Variants in KIRREL3 observed in about 807,000 individuals in gnomAD.
The protein encoded by KIRREL3 is kirre like nephrin family adhesion molecule 3.
Under a neutral mutation model 89.7 loss-of-function variants are expected in KIRREL3, and 36 were observed. The ratio of observed to expected loss-of-function variants is 0.40; its 90% CI spans 0.31 to 0.53. The LOEUF is 0.53. Among genes scored for constraint, KIRREL3 ranks in the 20% least tolerant of loss-of-function variants. The probability of loss-of-function intolerance (pLI) is 0.49; values close to 1 mark genes in which losing one functional copy is unlikely to be tolerated. For missense variants in KIRREL3, 864 were observed against 1,056.6 expected (o/e 0.82, Z 2.53); for synonymous variants, 445 against 441.4 (o/e 1.01, Z -0.10).
intron 4 of KIRREL3, among the ~76,000 whole-genome samples, chr11:126,500,435 A>G (rs1957818982): frequency 6.6e-6 from 1 of 152,152 alleles, no homozygotes; most frequent in Non-Finnish European, 1.5e-5. Flanking sequence ...GACTCACATT[A>G]ATTTAGTTGA....
At position 126,611,974 on chromosome 11, in the gene KIRREL3, C is replaced by A. The variant is rs1029207962; in HGVS notation, c.56-49062G>T. Among the ~76,000 whole-genome samples the A allele has an allele frequency of 7.9e-5, 12 of 152,182 alleles. No individual in the cohort carries two copies. The highest frequency in any genetic ancestry group is 2.9e-4 in the African/African-American group (12 of 41,440). On this transcript the variant is annotated intron_variant, in intron 1 of 16. Coordinates refer to ENST00000525144, the MANE Select transcript of KIRREL3 (RefSeq NM_032531.4). This position sits in a 1 kb window ranked among gnomAD's most constrained non-coding sequence, Gnocchi z 4.7. ...CATGTGTGCTTGTTGCCCCTTGGAG[C>A]CCACCTCCTCAAGCAAGCCTCCCAG...
chr11:126,738,226 A>G (rs1461158454), intron 1 of KIRREL3, among the ~76,000 whole-genome samples: 1 of 152,216 alleles, frequency 6.6e-6, no homozygotes. Context: ...AATGAAATTA[A>G]TTAATTAATT....
rs943309514 is a variant in KIRREL3 at position 126,620,725 on chromosome 11, C to T, written c.56-57813G>A. Among the ~76,000 whole-genome samples, 1 of 152,190 alleles carries T rather than the reference C, an allele frequency of 6.6e-6. No homozygotes were observed. The highest frequency in any genetic ancestry group is 6.5e-5 in the Admixed American group (1 of 15,274). ...TGCCTTCTTCAATGCTTTTATAGGT[C>T]TCTTGATCTCTTCTTCCTGCCTCAT... On this transcript the variant is annotated intron_variant, in intron 1 of 16. Coordinates refer to ENST00000525144, the MANE Select transcript of KIRREL3 (RefSeq NM_032531.4). The surrounding 1 kb of genome is among the most constrained non-coding windows in gnomAD (Gnocchi z 4.8).
At position 126,917,825 on chromosome 11, in the gene KIRREL3, C is replaced by A. The variant is rs908161746; in HGVS notation, c.55+82630G>T. Among the ~76,000 whole-genome samples, 1 of 152,178 alleles carries A rather than the reference C, an allele frequency of 6.6e-6. No homozygotes were observed. Among genetic ancestry groups the A allele is most frequent in the African/African-American group, 2.4e-5 (1 of 41,446 alleles). On this transcript the variant is annotated intron_variant, in intron 1 of 16. Coordinates refer to ENST00000525144, the MANE Select transcript of KIRREL3 (RefSeq NM_032531.4). This position sits in a 1 kb window ranked among gnomAD's most constrained non-coding sequence, Gnocchi z 5.0. ...GGCATGGACTTTAGAATTGAGGTGG[C>A]GTTTCTGAAGAACGAGATGGTAAAA...
chr11:126,435,264 G>C lies in KIRREL3; in HGVS notation c.1588+4C>G. 2 of 1,613,504 alleles carry C rather than the reference G, an allele frequency of 1.2e-6. No homozygotes were observed. The highest frequency in any genetic ancestry group is 1.1e-5 in the South Asian group (1 of 91,072). On this transcript the variant is annotated splice_donor_region_variant and intron_variant, in intron 13 of 16. Coordinates refer to ENST00000525144, the MANE Select transcript of KIRREL3 (RefSeq NM_032531.4). ...AGGGCCATTCTCATCATCTCCTTCC[G>C]TACCTGCTTCCAGCCCGGCTCCCGA...
chr11:126,684,885 C>T lies in KIRREL3; in HGVS notation c.56-121973G>A, dbSNP rs1479935758. Reference sequence around the variant, plus strand: ...CTGGGAAGAGGGAGAAGTTGATGGTCTGGTCACTAATGGTCCTCAGCAGGA... The same window carrying T: ...CTGGGAAGAGGGAGAAGTTGATGGTTTGGTCACTAATGGTCCTCAGCAGGA... On this transcript the variant is annotated intron_variant, in intron 1 of 16. Coordinates refer to ENST00000525144, the MANE Select transcript of KIRREL3 (RefSeq NM_032531.4). The surrounding 1 kb of genome is among the most constrained non-coding windows in gnomAD (Gnocchi z 4.2). 6.6e-6 allele frequency among the ~76,000 whole-genome samples: 1 copy of T among 152,130 alleles called. No individual in the cohort carries two copies. Among genetic ancestry groups the T allele is most frequent in the Non-Finnish European group, 1.5e-5 (1 of 68,016 alleles).
chr11:126,521,113 G>T lies in KIRREL3; in HGVS notation c.433+202C>A, dbSNP rs1212919790. Among the ~76,000 whole-genome samples the T allele has an allele frequency of 6.6e-6, 1 of 152,226 alleles. No individual in the cohort carries two copies. The highest frequency in any genetic ancestry group is 1.5e-5 in the Non-Finnish European group (1 of 68,036). On this transcript the variant is annotated intron_variant, in intron 4 of 16. Transcript: ENST00000525144. This position sits in a 1 kb window ranked among gnomAD's most constrained non-coding sequence, Gnocchi z 4.1. Reference sequence around the variant, plus strand: ...CTGAGTCCGCTGGCATTGGCTGTCTGGTTTACTAGGGAAAGAGCCTTCGCT... The same window carrying T: ...CTGAGTCCGCTGGCATTGGCTGTCTTGTTTACTAGGGAAAGAGCCTTCGCT...
At chr11:126,887,496 G>A (rs935840270) in intron 1 of KIRREL3, among the ~76,000 whole-genome samples, 32 of 152,236 alleles carry the variant, frequency 2.1e-4, no homozygotes, top group African/African-American at 7.0e-4. Flanking sequence ...AAGGGTCACT[G>A]CTCTCTCCTC....
rs1454669292 is a variant in KIRREL3 at position 126,709,491 on chromosome 11, C to A, written c.56-146579G>T. On this transcript the variant is annotated intron_variant, in intron 1 of 16. Transcript: ENST00000525144. This position sits in a 1 kb window ranked among gnomAD's most constrained non-coding sequence, Gnocchi z 4.0. The stretch of plus-strand genomic sequence containing the variant: ...GGAGTAGGTTGAACTGTGTCCCCAA[C>A]ATTCATATGCCCCAATACTTCAGAA... 6.6e-6 allele frequency among the ~76,000 whole-genome samples: 1 copy of A among 152,194 alleles called. No homozygotes were observed. Among genetic ancestry groups the A allele is most frequent in the Non-Finnish European group, 1.5e-5 (1 of 68,036 alleles).
chr11:126,616,481 G>T (rs542338069), intron 1 of KIRREL3, among the ~76,000 whole-genome samples: 1 of 152,160 alleles, frequency 6.6e-6, no homozygotes, highest in African/African-American at 2.4e-5. Context: ...CTCTGGAGGG[G>T]TTAGGTGGTG....
intron 4 of KIRREL3, among the ~76,000 whole-genome samples, chr11:126,504,248 T>C (rs1267531913): frequency 1.1e-4 from 16 of 152,190 alleles, no homozygotes; most frequent in Non-Finnish European, 2.9e-5. Context: ...TCATCTCTTC[T>C]CTGTATTACT....
In KIRREL3 at chr11:126,523,820, T is replaced by G. The variant is rs970963111; in HGVS notation, c.284-2356A>C. On this transcript the variant is annotated intron_variant, in intron 3 of 16. Coordinates refer to ENST00000525144, the MANE Select transcript of KIRREL3 (RefSeq NM_032531.4). This position sits in a 1 kb window ranked among gnomAD's most constrained non-coding sequence, Gnocchi z 4.9. ...AGTCCCTGGTCTCCTGCAGGCATCT[T>G]GGCTGGAGCTTCTGTTTCTGTTGTC... Among the ~76,000 whole-genome samples the G allele has an allele frequency of 6.6e-6, 1 of 152,168 alleles. No individual in the cohort carries two copies. The highest frequency in any genetic ancestry group is 2.4e-5 in the African/African-American group (1 of 41,442).
intron 1 of KIRREL3, among the ~76,000 whole-genome samples, chr11:126,633,382 C>A (rs1944129453): frequency 6.6e-6 from 1 of 152,032 alleles, no homozygotes; most frequent in South Asian, 2.1e-4. Context: ...AAAATTGATT[C>A]CTAGTGTTAG....
chr11:126,666,602 C>G lies in KIRREL3; in HGVS notation c.56-103690G>C, dbSNP rs1945675522. ...TTACATGGCACAAGGAAAACAATAT[C>G]AATGATTTGTGCTGCCTGCTTGTCG... On this transcript the variant is annotated intron_variant, in intron 1 of 16. Coordinates refer to ENST00000525144, the MANE Select transcript of KIRREL3 (RefSeq NM_032531.4). The surrounding 1 kb of genome is among the most constrained non-coding windows in gnomAD (Gnocchi z 4.2). Among the ~76,000 whole-genome samples, 1 of 152,156 alleles carries G rather than the reference C, an allele frequency of 6.6e-6. No individual in the cohort carries two copies. The highest frequency in any genetic ancestry group is 1.5e-5 in the Non-Finnish European group (1 of 68,020).
chr11:126,737,340 C>A (rs7935669), intron 1 of KIRREL3, among the ~76,000 whole-genome samples: 1 of 151,730 alleles, frequency 6.6e-6, no homozygotes, highest in Non-Finnish European at 1.5e-5. Flanking sequence ...AGCACAGAGA[C>A]GGCACAAGGC....
rs1230461768 is a variant in KIRREL3, at chr11:126,676,142, G to A, written c.56-113230C>T. On this transcript the variant is annotated intron_variant, in intron 1 of 16. Transcript: ENST00000525144. This position sits in a 1 kb window ranked among gnomAD's most constrained non-coding sequence, Gnocchi z 4.5. ...TTCAGGTGTTTCATTGTTTGGCCATGTAGGTCTAGAGCTCTGAAGAGAGAC... is the reference window on the plus strand; with the variant it reads ...TTCAGGTGTTTCATTGTTTGGCCATATAGGTCTAGAGCTCTGAAGAGAGAC... Among the ~76,000 whole-genome samples the A allele has an allele frequency of 1.3e-5, 2 of 152,210 alleles. No homozygotes were observed. The highest frequency in any genetic ancestry group is 4.8e-5 in the African/African-American group (2 of 41,446).
intron 1 of KIRREL3, among the ~76,000 whole-genome samples, chr11:126,758,285 T>G (rs916012020): frequency 2.6e-5 from 4 of 152,282 alleles, no homozygotes; most frequent in African/African-American, 9.6e-5. Flanking sequence ...GAAATTTTTA[T>G]AACAGTATTA....
In KIRREL3 at chr11:126,791,849, T is replaced by G. The variant is rs752300619; in HGVS notation, c.55+208606A>C. On this transcript the variant is annotated intron_variant, in intron 1 of 16. Coordinates refer to ENST00000525144, the MANE Select transcript of KIRREL3 (RefSeq NM_032531.4). This position sits in a 1 kb window ranked among gnomAD's most constrained non-coding sequence, Gnocchi z 4.8. ...GCTGTAGGGGCGGTTTCTCAGAGTG[T>G]GAGGTATGGGAATGTGGATGTAGCA... Among the ~76,000 whole-genome samples, 20 of 152,276 alleles carry G rather than the reference T, an allele frequency of 1.3e-4. No homozygotes were observed. Among genetic ancestry groups the G allele is most frequent in the Non-Finnish European group, 2.4e-4 (16 of 68,022 alleles).
At chr11:126,503,741 C>T (rs1185993466) in intron 4 of KIRREL3, among the ~76,000 whole-genome samples, 2 of 151,640 alleles carry the variant, frequency 1.3e-5, no homozygotes, top group Non-Finnish European at 2.9e-5. Context: ...GAATTAGTGC[C>T]CTTGAAAGAG....
Sources: gnomAD v4.1 joint callset for allele counts (sites outside exome capture counted in the v4.1 genomes callset) on GRCh38, gnomAD v4.1.1 for gene constraint, Gnocchi (gnomAD v3.1) non-coding constraint, MANE v1.5 for transcripts, NCBI Gene and HGNC (gene_info 2026-07-23, HGNC 2026-07-21) for gene names.